Variants in PTPRJ observed in about 807,000 individuals in gnomAD.
The protein encoded by PTPRJ is protein tyrosine phosphatase receptor type J, also known as receptor-type tyrosine-protein phosphatase eta.
PTPRJ carries 129 observed loss-of-function variants against 141.3 expected under a neutral mutation model. The observed-to-expected ratio is 0.91, with a 90% CI of 0.79 to 1.06. The LOEUF is 1.06. Ranked by LOEUF, PTPRJ falls within the 50% of genes least tolerant of loss-of-function variation. The pLI, the probability that PTPRJ is intolerant of heterozygous loss-of-function variation, is 0.00. For synonymous variants in PTPRJ, 610 were observed against 640.5 expected (o/e 0.95, Z 0.72); for missense variants, 1,601 against 1,679.7 (o/e 0.95, Z 0.82).
intron 1 of PTPRJ, among the ~76,000 whole-genome samples, chr11:48,060,094 C>T (rs1236449022): frequency 2.0e-5 from 3 of 152,026 alleles, no homozygotes; most frequent in African/African-American, 4.8e-5. Context: ...GCTTGCTGTT[C>T]GGATTAACTG....
At chr11:48,042,535 TA>T (rs1457099534) in intron 1 of PTPRJ, among the ~76,000 whole-genome samples, 8 of 152,328 alleles carry the variant, frequency 5.3e-5, no homozygotes, top group African/African-American at 1.9e-4. Flanking sequence ...CATGACTAAT[TA>T]CATGAGTAAT....
At chr11:47,995,301 C>A (rs185639929) in intron 1 of PTPRJ, among the ~76,000 whole-genome samples, 217 of 152,290 alleles carry the variant, frequency 1.4e-3, no homozygotes, top group Middle Eastern at 0.01. Flanking sequence ...TCATTTAATC[C>A]TATGACGTAG....
chr11:48,144,818 G>C lies in PTPRJ; in HGVS notation c.2719G>C (p.Asp907His). Reference sequence around the variant, plus strand: ...GTCTGAAGTTTTGAAATATGAAATTGACGTTGGGAATGAGTCAACCACACT... The same window carrying C: ...GTCTGAAGTTTTGAAATATGAAATTCACGTTGGGAATGAGTCAACCACACT... The part of the protein sequence containing the change: ...SLSEVLKYEI[D>H]VGNESTTLGY... Residue 907 changes from aspartate (D) to histidine (H), a missense_variant, in exon 13 of 25, where the codon GAC becomes CAC. Coordinates refer to ENST00000418331, the MANE Select transcript of PTPRJ (RefSeq NM_002843.4). 1.2e-6 allele frequency: 2 copies of C among 1,614,194 alleles called. No homozygotes were observed. Among genetic ancestry groups the C allele is most frequent in the South Asian group, 1.1e-5 (1 of 91,076 alleles).
intron 1 of PTPRJ, among the ~76,000 whole-genome samples, chr11:48,030,599 C>T (rs1184727936): frequency 3.9e-5 from 6 of 152,102 alleles, no homozygotes; most frequent in East Asian, 1.9e-4. Context: ...AAAATTTAGC[C>T]GGGCATGGTG....
intron 1 of PTPRJ, among the ~76,000 whole-genome samples, chr11:48,033,080 T>C (rs1565267467): frequency 6.6e-6 from 1 of 151,268 alleles, no homozygotes; most frequent in Non-Finnish European, 1.5e-5. Context: ...AAGTCTAACA[T>C]CAGGTAGACT....
chr11:48,148,779 G>T (rs1857411056), intron 15 of PTPRJ, among the ~76,000 whole-genome samples: 1 of 152,140 alleles, frequency 6.6e-6, no homozygotes, highest in Non-Finnish European at 1.5e-5. Flanking sequence ...TCAACTGTAT[G>T]ACAGTACCAT....
chr11:48,128,052 A>C lies in PTPRJ; in HGVS notation c.1357+9A>C. 1.9e-6 allele frequency: 3 copies of C among 1,607,114 alleles called. No homozygotes were observed. The highest frequency in any genetic ancestry group is 2.6e-6 in the Non-Finnish European group (3 of 1,174,178). ...CCTCCAAGTGCACACCCGTGAGTTC[A>C]TGCCTGGCTCTCACCACCCTTTCCT... On this transcript the variant is annotated intron_variant, in intron 7 of 24. Transcript: ENST00000418331.
intron 1 of PTPRJ, among the ~76,000 whole-genome samples, chr11:47,988,060 G>A (rs1387747615): frequency 6.6e-6 from 1 of 152,250 alleles, no homozygotes; most frequent in African/African-American, 2.4e-5. Flanking sequence ...CGTCTCCAGG[G>A]CAGGAGTTGG....
At chr11:48,003,904 C>G (rs1590396334) in intron 1 of PTPRJ, among the ~76,000 whole-genome samples, 1 of 152,218 alleles carries the variant, frequency 6.6e-6, no homozygotes, top group Non-Finnish European at 1.5e-5. Context: ...AGGCTGTTTT[C>G]TGTGATCCTT....
chr11:47,999,863 C>CTTTTTTTTTTTTTTT lies in PTPRJ; in HGVS notation c.96+18866_96+18867insTTTTTTTTTTTTTTT, dbSNP rs1209647054. On this transcript the variant is annotated intron_variant, in intron 1 of 24. Coordinates refer to ENST00000418331, the MANE Select transcript of PTPRJ (RefSeq NM_002843.4). ...CTTTTACTTTCATGCCGAGATTCTT[C>CTTTTTTTTTTTTTTT]TTTTTTTTTTTGAGTCAGAGTCTCG... Among the ~76,000 whole-genome samples the CTTTTTTTTTTTTTTT allele has an allele frequency of 1.0e-4, 14 of 136,280 alleles. 1 individual carries two copies. The highest frequency in any genetic ancestry group is 3.6e-4 in the African/African-American group (12 of 33,502). The allele number at this position is 136,280 out of a possible 152,430, so 89.4% of individuals were successfully genotyped here.
chr11:48,074,330 A>G (rs1338029617), intron 1 of PTPRJ, among the ~76,000 whole-genome samples: 2 of 152,230 alleles, frequency 1.3e-5, no homozygotes, highest in Non-Finnish European at 2.9e-5. Flanking sequence ...TAGTATTGAC[A>G]TGTTGGAACC....
intron 1 of PTPRJ, among the ~76,000 whole-genome samples, chr11:48,058,816 G>A (rs969614940): frequency 2.4e-4 from 37 of 152,118 alleles, no homozygotes; most frequent in Admixed American, 2.4e-3. Flanking sequence ...TCCCTGGCAC[G>A]CCGAGGGGAA....
chr11:48,009,267 A>C (rs1854710531), intron 1 of PTPRJ, among the ~76,000 whole-genome samples: 1 of 152,208 alleles, frequency 6.6e-6, no homozygotes, highest in African/African-American at 2.4e-5. Context: ...TAAGAAATTT[A>C]AAGACGCGAG....
intron 1 of PTPRJ, among the ~76,000 whole-genome samples, chr11:48,003,786 G>A (rs1854559314): frequency 1.3e-5 from 2 of 152,140 alleles, no homozygotes; most frequent in Middle Eastern, 3.2e-3. Flanking sequence ...GTGAGCCACC[G>A]TGCCCAGCCA....
At chr11:47,992,159 A>G (rs1430740518) in intron 1 of PTPRJ, among the ~76,000 whole-genome samples, 1 of 151,810 alleles carries the variant, frequency 6.6e-6, no homozygotes, top group Non-Finnish European at 1.5e-5. Context: ...GTACGTTCAT[A>G]GTATAGGCCA....
At chr11:48,027,200 G>A (rs187713141) in intron 1 of PTPRJ, among the ~76,000 whole-genome samples, 1,614 of 151,078 alleles carry the variant, frequency 0.011, 18 homozygotes, top group South Asian at 0.026. Context: ...ATAGAGATGG[G>A]GTTTCACCGT....
Position 48,019,007 on chromosome 11 carries a change from G to A in PTPRJ, c.96+37999G>A, listed in dbSNP as rs1453841307. ...TCTTCTTGTGTATGTGTGCGTGTACGTGCGTGTGTGTGTTGTGTGTGTGTG... is the reference window on the plus strand; with the variant it reads ...TCTTCTTGTGTATGTGTGCGTGTACATGCGTGTGTGTGTTGTGTGTGTGTG... On this transcript the variant is annotated intron_variant, in intron 1 of 24. Transcript: ENST00000418331. Among the ~76,000 whole-genome samples, 3 of 152,064 alleles carry A rather than the reference G, an allele frequency of 2.0e-5. No individual in the cohort carries two copies. In the East Asian group the frequency reaches 5.8e-4, roughly 29 times the overall value.
rs138914454 is a variant in PTPRJ, at chr11:48,157,296, A to G, written c.3438+1177A>G. On this transcript the variant is annotated intron_variant, in intron 21 of 24. Coordinates refer to ENST00000418331, the MANE Select transcript of PTPRJ (RefSeq NM_002843.4). The stretch of plus-strand genomic sequence containing the variant: ...CCACCGCCCCTGGCCAATATTTTTT[A>G]TAGTAATAAAATTCTGCATTTCCAT... Among the ~76,000 whole-genome samples, 27 of 152,268 alleles carry G rather than the reference A, an allele frequency of 1.8e-4. 1 individual carries two copies. The East Asian group carries it at 5.0e-3, about 28-fold the overall frequency.
At chr11:48,035,194 G>A (rs934185105) in intron 1 of PTPRJ, among the ~76,000 whole-genome samples, 1 of 152,140 alleles carries the variant, frequency 6.6e-6, no homozygotes, top group African/African-American at 2.4e-5. Flanking sequence ...CCATTTCTCC[G>A]GGCCTGACTG....
Sources: gnomAD v4.1 joint callset for allele counts (sites outside exome capture counted in the v4.1 genomes callset) on GRCh38, gnomAD v4.1.1 for gene constraint, MANE v1.5 for transcripts, NCBI Gene and HGNC (gene_info 2026-07-23, HGNC 2026-07-21) for gene names.